MAN1A2: variants seen among roughly 807,000 people sequenced by gnomAD.
MAN1A2 encodes the protein mannosyl-oligosaccharide 1,2-alpha-mannosidase IB.
MAN1A2 carries 26 observed loss-of-function variants against 75.7 expected under a neutral mutation model. The observed-to-expected ratio is 0.34, with a 90% confidence interval of 0.25 to 0.48. MAN1A2 has a LOEUF of 0.48. Among genes scored for constraint, MAN1A2 ranks in the 20% least tolerant of loss-of-function variants. MAN1A2 has a pLI of 0.99. For missense variants in MAN1A2, 562 were observed against 775.5 expected (o/e 0.72, Z 3.27); for synonymous variants, 247 against 264.6 (o/e 0.93, Z 0.65).
chr1:117,459,850 A>G (rs1649757704), intron 6 of MAN1A2, among the ~76,000 whole-genome samples: 1 of 152,180 alleles, frequency 6.6e-6, no homozygotes, highest in African/African-American at 2.4e-5. Flanking sequence ...TCACACAGGC[A>G]CTATCATCGT....
At chr1:117,375,477 T>C (rs1275042873) in intron 1 of MAN1A2, among the ~76,000 whole-genome samples, 1 of 152,098 alleles carries the variant, frequency 6.6e-6, no homozygotes, top group African/African-American at 2.4e-5. Flanking sequence ...AGAACACAGG[T>C]GTTGTTTTTC....
rs909575042 is a variant in MAN1A2 at position 117,525,792 on chromosome 1, C to G, written c.*2835C>G. 5.3e-5 allele frequency: 8 copies of G among 151,580 alleles called. No individual in the cohort carries two copies. The highest frequency in any genetic ancestry group is 4.6e-4 in the Admixed American group (7 of 15,166). The allele number at this position is 151,580 out of a possible 1,614,324, so 9.4% of individuals were successfully genotyped here. A position where few individuals can be genotyped will look rare whatever the true frequency, so the allele number is the denominator to read the frequency against. On this transcript the variant is annotated 3_prime_UTR_variant, in exon 13 of 13. Coordinates refer to ENST00000356554, the MANE Select transcript of MAN1A2 (RefSeq NM_006699.5). ...GTTGTTAAAACCAAGGGAATGGGGC[C>G]CTAACCAAAAAGAAGTCTCAACTCA...
At chr1:117,376,072 C>T (rs1333492323) in intron 1 of MAN1A2, among the ~76,000 whole-genome samples, 1 of 152,014 alleles carries the variant, frequency 6.6e-6, no homozygotes, top group Non-Finnish European at 1.5e-5. Context: ...CCACCACGCC[C>T]GGCTATTTTT....
intron 2 of MAN1A2, among the ~76,000 whole-genome samples, 160 bp downstream of exon 2, chr1:117,402,601 T>G (rs1423161845): frequency 6.9e-6 from 1 of 144,228 alleles, no homozygotes; most frequent in Non-Finnish European, 1.5e-5. Flanking sequence ...CTCTTTCTTG[T>G]TTTTTTTTTT....
intron 8 of MAN1A2, among the ~76,000 whole-genome samples, chr1:117,474,024 G>A (rs552446891): frequency 6.6e-6 from 1 of 152,064 alleles, no homozygotes; most frequent in East Asian, 1.9e-4. Flanking sequence ...CGGTAAATTT[G>A]GAGGTAATAG....
intron 1 of MAN1A2, among the ~76,000 whole-genome samples, chr1:117,376,886 T>G (rs890084871): frequency 5.9e-5 from 9 of 152,220 alleles, no homozygotes; most frequent in Non-Finnish European, 1.0e-4. Flanking sequence ...TACATTATAT[T>G]AGGTATTATA....
At chr1:117,420,927 T>A (rs1411928542) in intron 5 of MAN1A2, among the ~76,000 whole-genome samples, 1 of 151,980 alleles carries the variant, frequency 6.6e-6, no homozygotes, top group Admixed American at 6.6e-5. Context: ...TGCAATTAAT[T>A]CCATGGCCCA....
At chr1:117,369,962 G>A (rs559667718) in intron 1 of MAN1A2, among the ~76,000 whole-genome samples, 1 of 152,078 alleles carries the variant, frequency 6.6e-6, no homozygotes, top group Non-Finnish European at 1.5e-5. Context: ...TATCTGTCAT[G>A]TACTAAGCAG....
At chr1:117,494,234 A>G (rs1405165635) in intron 9 of MAN1A2, 1 of 152,080 alleles carries the variant, frequency 6.6e-6, no homozygotes, top group Non-Finnish European at 1.5e-5. Context: ...GTGACAGTTT[A>G]TAATTGGAAC....
intron 8 of MAN1A2, among the ~76,000 whole-genome samples, chr1:117,492,524 A>C (rs1245309304): frequency 6.6e-6 from 1 of 152,112 alleles, no homozygotes; most frequent in Non-Finnish European, 1.5e-5. Flanking sequence ...GCTACATTGC[A>C]GTAGTCTGGA....
intron 6 of MAN1A2, among the ~76,000 whole-genome samples, chr1:117,443,261 T>C (rs1649104552): frequency 6.6e-6 from 1 of 152,240 alleles, no homozygotes; most frequent in Non-Finnish European, 1.5e-5. Context: ...TAGATTTACA[T>C]TGAGATGTCA....
rs12083641 is a variant in MAN1A2, at chr1:117,485,472, G to C, written c.1169-7675G>C. On this transcript the variant is annotated intron_variant, in intron 8 of 12. Transcript: ENST00000356554. ...TGAAGGCAAGGGGGAGGTAATAATG[G>C]ACAAGATATTTCAACAAATTTGCAG... 7.9e-3 allele frequency among the ~76,000 whole-genome samples: 1,194 copies of C among 152,004 alleles called. 12 individuals carry two copies. Among genetic ancestry groups the C allele is most frequent in the African/African-American group, 0.027 (1,124 of 41,512 alleles).
intron 5 of MAN1A2, 42 bp from the exon 6 acceptor site, chr1:117,442,189 C>T: frequency 8.1e-7 from 1 of 1,238,160 alleles, no homozygotes; most frequent in African/African-American, 1.5e-5. Flanking sequence ...TAAATGCTTA[C>T]TAATGGCTAT....
At chr1:117,470,063 C>T (rs1295356672) in intron 8 of MAN1A2, among the ~76,000 whole-genome samples, 1 of 151,982 alleles carries the variant, frequency 6.6e-6, no homozygotes, top group East Asian at 1.9e-4. Flanking sequence ...GAAAGTAACT[C>T]AAATGTCCAA....
At chr1:117,372,814 TAA>T (rs1273367410) in intron 1 of MAN1A2, among the ~76,000 whole-genome samples, 2 of 142,908 alleles carry the variant, frequency 1.4e-5, no homozygotes, top group Non-Finnish European at 1.5e-5. Flanking sequence ...CTTTGTGAGT[TAA>T]AAAAAAAAAA....
intron 8 of MAN1A2, among the ~76,000 whole-genome samples, chr1:117,489,763 T>A (rs1650823374): frequency 6.6e-6 from 1 of 152,082 alleles, no homozygotes; most frequent in African/African-American, 2.4e-5. Context: ...TTTAAATGAT[T>A]AATCATCCAC....
In MAN1A2 at chr1:117,528,350, G is replaced by C. The variant is rs1222687786; in HGVS notation, c.*5393G>C. 6.6e-6 allele frequency: 1 copy of C among 152,010 alleles called. No homozygotes were observed. The highest frequency in any genetic ancestry group is 1.5e-5 in the Non-Finnish European group (1 of 67,964). 9.4% of individuals were successfully genotyped at this position (152,010 alleles called of 1,614,324 possible). A position where few individuals can be genotyped will look rare whatever the true frequency, so the allele number is the denominator to read the frequency against. On this transcript the variant is annotated 3_prime_UTR_variant, in exon 13 of 13. Coordinates refer to ENST00000356554, the MANE Select transcript of MAN1A2 (RefSeq NM_006699.5). ...ATGATAGAGGGAGCAGAGACTTACT[G>C]TCTCTCTTCCACATTATAAATGAAC...
intron 5 of MAN1A2, among the ~76,000 whole-genome samples, chr1:117,435,433 C>T (rs1244818890): frequency 6.6e-6 from 1 of 152,078 alleles, no homozygotes; most frequent in African/African-American, 2.4e-5. Flanking sequence ...CATGTGTGGT[C>T]AATCCTTAAT....
intron 1 of MAN1A2, among the ~76,000 whole-genome samples, chr1:117,373,765 A>G (rs969207954): frequency 2.6e-5 from 4 of 152,088 alleles, no homozygotes; most frequent in Admixed American, 2.6e-4. Flanking sequence ...AAGTGTTCGG[A>G]TTACAGGTGT....
Sources: allele counts gnomAD v4.1 joint callset (sites outside exome capture counted in the v4.1 genomes callset), GRCh38; gene constraint gnomAD v4.1.1; transcripts MANE v1.5; gene names NCBI Gene and HGNC (gene_info 2026-07-23, HGNC 2026-07-21).